The following CSMD1 variants were observed in gnomAD, a reference collection of about 807,000 sequenced individuals.
CSMD1 encodes CUB and sushi domain-containing protein 1.
In CSMD1, 213 loss-of-function variants were observed where a neutral mutation model predicts 417.5. The ratio of observed to expected loss-of-function variants is 0.51; its 90% CI spans 0.46 to 0.57. CSMD1 has a LOEUF of 0.57. Ranked by LOEUF, CSMD1 falls within the 20% of genes least tolerant of loss-of-function variation. The pLI is 0.00. For missense variants in CSMD1, 6,923 were observed against 4,529.7 expected (o/e 1.53, Z -15.17); for synonymous variants, 2,862 against 1,736.8 (o/e 1.65, Z -16.11).
At chr8:4,466,977 T>A (rs145084015) in intron 2 of CSMD1, among the ~76,000 whole-genome samples, 3 of 152,010 alleles carry the variant, frequency 2.0e-5, no homozygotes, top group East Asian at 1.9e-4. Flanking sequence ...TGTAAGGAAA[T>A]GCTCAGCTGT....
At chr8:3,980,834 C>T (rs1171421869) in intron 5 of CSMD1, among the ~76,000 whole-genome samples, 1 of 152,180 alleles carries the variant, frequency 6.6e-6, no homozygotes, top group Non-Finnish European at 1.5e-5. Context: ...CCACTCCCAG[C>T]AGTTGGCTAC....
intron 5 of CSMD1, among the ~76,000 whole-genome samples, chr8:3,810,479 C>T (rs915397685): frequency 1.3e-5 from 2 of 152,040 alleles, no homozygotes; most frequent in Admixed American, 6.6e-5. Context: ...GACTCTGAGG[C>T]AGCCTTTGGG....
intron 10 of CSMD1, among the ~76,000 whole-genome samples, chr8:3,506,638 A>T (rs1454273247): frequency 6.6e-6 from 1 of 152,162 alleles, no homozygotes. Context: ...TCTTAGGAAA[A>T]CTTACATCTG....
intron 3 of CSMD1, among the ~76,000 whole-genome samples, chr8:4,273,768 G>C (rs1045144708): frequency 2.6e-5 from 4 of 152,152 alleles, no homozygotes; most frequent in Admixed American, 6.6e-5. Context: ...AGATGATTTA[G>C]CCTCTGTAAG....
intron 4 of CSMD1, among the ~76,000 whole-genome samples, chr8:3,999,309 C>A (rs545382940): frequency 3.3e-5 from 5 of 152,228 alleles, no homozygotes; most frequent in Non-Finnish European, 7.4e-5. Flanking sequence ...GTGTGACCGG[C>A]CTGAGCTCTT....
chr8:4,651,795 G>A (rs769342929), intron 1 of CSMD1, among the ~76,000 whole-genome samples: 1 of 152,114 alleles, frequency 6.6e-6, no homozygotes, highest in African/African-American at 2.4e-5. Context: ...TGATTATTAG[G>A]GGTGACCTAA....
intron 7 of CSMD1, among the ~76,000 whole-genome samples, chr8:3,623,265 T>C (rs1232674037): frequency 6.6e-6 from 1 of 152,256 alleles, no homozygotes; most frequent in Non-Finnish European, 1.5e-5. Flanking sequence ...CTTGTGACTC[T>C]GCAGGGCAGT....
At chr8:3,085,132 C>G (rs1438601319) in intron 49 of CSMD1, among the ~76,000 whole-genome samples, 5 of 152,138 alleles carry the variant, frequency 3.3e-5, no homozygotes, top group Admixed American at 6.5e-5. Context: ...AATGGTCAGG[C>G]TCACAGAAAG....
At chr8:4,392,630 G>A (rs539637251) in intron 3 of CSMD1, among the ~76,000 whole-genome samples, 9 of 151,180 alleles carry the variant, frequency 6.0e-5, no homozygotes, top group Middle Eastern at 6.4e-3. Flanking sequence ...AAGAGCAGGG[G>A]TTTTTTGGGG....
intron 2 of CSMD1, among the ~76,000 whole-genome samples, chr8:4,628,746 A>G (rs1392302072): frequency 6.6e-6 from 1 of 152,140 alleles, no homozygotes; most frequent in East Asian, 1.9e-4. Context: ...CCCTCAGGTG[A>G]GTTAGATACC....
intron 1 of CSMD1, among the ~76,000 whole-genome samples, chr8:4,751,739 A>G (rs1226311315): frequency 1.3e-5 from 2 of 152,022 alleles, no homozygotes; most frequent in African/African-American, 2.4e-5. Context: ...TCTGCTGTGG[A>G]GTTAGGAGCT....
At chr8:4,924,756 A>C (rs902076365) in intron 1 of CSMD1, among the ~76,000 whole-genome samples, 3 of 151,530 alleles carry the variant, frequency 2.0e-5, no homozygotes, top group African/African-American at 4.8e-5. Context: ...CCTACAAAAA[A>C]CTTTTATAAA....
chr8:3,477,261 T>C (rs1817486748), intron 11 of CSMD1, among the ~76,000 whole-genome samples: 2 of 152,292 alleles, frequency 1.3e-5, no homozygotes, highest in African/African-American at 4.8e-5. Context: ...AAGGGGGAGA[T>C]GTGCTAAACC....
At chr8:4,633,771 G>C (rs1040483950) in intron 2 of CSMD1, among the ~76,000 whole-genome samples, 4 of 151,826 alleles carry the variant, frequency 2.6e-5, no homozygotes, top group Non-Finnish European at 4.4e-5. Context: ...TATTGGCCAA[G>C]GATGGTCTCA....
chr8:3,273,136 T>C (rs79530004), intron 26 of CSMD1, among the ~76,000 whole-genome samples: 40,286 of 149,866 alleles, frequency 0.27, 5,613 homozygotes, highest in African/African-American at 0.33. Flanking sequence ...GAGTTTTTAG[T>C]ATGAAAGGTT....
chr8:4,121,193 C>T lies in CSMD1; in HGVS notation c.416-89094G>A, dbSNP rs58282832. The stretch of plus-strand genomic sequence containing the variant: ...GCAATGGCACGATCTTAGCTCACAG[C>T]AACCTCTGCCTCTCGGGTTCAAGCA... On this transcript the variant is annotated intron_variant, in intron 3 of 69. Coordinates refer to ENST00000635120, the MANE Select transcript of CSMD1 (RefSeq NM_033225.6). 7.5e-3 allele frequency among the ~76,000 whole-genome samples: 1,141 copies of T among 152,254 alleles called. 9 individuals carry two copies. The highest frequency in any genetic ancestry group is 0.026 in the African/African-American group (1,079 of 41,548).
At chr8:4,109,432 C>G (rs896529101) in intron 3 of CSMD1, among the ~76,000 whole-genome samples, 5 of 152,166 alleles carry the variant, frequency 3.3e-5, no homozygotes, top group East Asian at 3.8e-4. Context: ...AAAGTTTCAT[C>G]TATTTGGGAA....
At chr8:3,002,971 T>C (rs1807543449) in intron 52 of CSMD1, among the ~76,000 whole-genome samples, 1 of 152,268 alleles carries the variant, frequency 6.6e-6, no homozygotes, top group Non-Finnish European at 1.5e-5. Context: ...CAGGATTGCC[T>C]AGTATCTAAG....
intron 2 of CSMD1, among the ~76,000 whole-genome samples, chr8:4,598,125 T>C (rs752161592): frequency 4.6e-5 from 7 of 152,168 alleles, no homozygotes; most frequent in African/African-American, 9.6e-5. Flanking sequence ...CCCCTGTATC[T>C]CTTTACAAAT....
Sources: gnomAD v4.1 joint callset for allele counts (sites outside exome capture counted in the v4.1 genomes callset) on GRCh38, gnomAD v4.1.1 for gene constraint, MANE v1.5 for transcripts, NCBI Gene and HGNC (gene_info 2026-07-23, HGNC 2026-07-21) for gene names.